ENTREP2: variants seen among roughly 807,000 people sequenced by gnomAD.
ENTREP2 encodes protein ENTREP2.
chr15:29,154,400 A>G, the ENTREP2 span, among the ~76,000 whole-genome samples: 1 of 152,134 alleles, frequency 6.6e-6, no homozygotes, highest in Non-Finnish European at 1.5e-5. Flanking sequence ...GAGTTTTAAC[A>G]GTCGAAGTGC....
chr15:29,656,272 C>T, the ENTREP2 span, among the ~76,000 whole-genome samples: 3 of 151,632 alleles, frequency 2.0e-5, no homozygotes, highest in East Asian at 5.8e-4. Flanking sequence ...GTCACCCAAG[C>T]TGGAGTGCAG....
At chr15:29,406,040 T>G in the ENTREP2 span, among the ~76,000 whole-genome samples, 1 of 152,246 alleles carries the variant, frequency 6.6e-6, no homozygotes, top group Non-Finnish European at 1.5e-5. Flanking sequence ...TGGGTTCTAT[T>G]TAAATCGGTT....
the ENTREP2 span, among the ~76,000 whole-genome samples, chr15:29,527,994 C>T: frequency 1.3e-5 from 2 of 152,090 alleles, no homozygotes; most frequent in African/African-American, 4.8e-5. Context: ...TGCACACATC[C>T]GCCCTGCAGA....
chr15:29,653,557 G>A, the ENTREP2 span, among the ~76,000 whole-genome samples: 1 of 152,166 alleles, frequency 6.6e-6, no homozygotes, highest in African/African-American at 2.4e-5. Flanking sequence ...GAGATCCGAT[G>A]GTTTGATAAG....
At chr15:29,633,884 G>A in the ENTREP2 span, among the ~76,000 whole-genome samples, 79 of 152,244 alleles carry the variant, frequency 5.2e-4, 1 homozygote, top group African/African-American at 1.8e-3. Flanking sequence ...GCTTGAACCC[G>A]GGAGGCGAAG....
the ENTREP2 span, among the ~76,000 whole-genome samples, chr15:29,438,560 C>G: frequency 2.6e-5 from 4 of 152,108 alleles, no homozygotes; most frequent in South Asian, 8.3e-4. Context: ...TGAGGCCAGC[C>G]CATGAAGACA....
At chr15:29,199,976 T>C in the ENTREP2 span, among the ~76,000 whole-genome samples, 4 of 152,216 alleles carry the variant, frequency 2.6e-5, no homozygotes, top group Non-Finnish European at 4.4e-5. Flanking sequence ...GAAAAATCTA[T>C]CTTTTCTTTG....
At chr15:29,233,661 A>G in the ENTREP2 span, 1 of 958,030 alleles carries the variant, frequency 1.0e-6, no homozygotes, top group Non-Finnish European at 1.7e-6. Flanking sequence ...TAATAAAGCT[A>G]TGGATGGATG....
the ENTREP2 span, among the ~76,000 whole-genome samples, chr15:29,537,090 C>T: frequency 5.6e-3 from 846 of 152,244 alleles, 8 homozygotes; most frequent in African/African-American, 0.02. Flanking sequence ...TTTATGTATA[C>T]GTAACATAAT....
chr15:29,440,910 C>T, the ENTREP2 span, among the ~76,000 whole-genome samples: 5 of 152,184 alleles, frequency 3.3e-5, no homozygotes, highest in Non-Finnish European at 5.9e-5. Flanking sequence ...AAGAACGTTC[C>T]TCAGTTCCTC....
the ENTREP2 span, among the ~76,000 whole-genome samples, chr15:29,487,781 C>A: frequency 4.6e-5 from 7 of 152,210 alleles, no homozygotes; most frequent in African/African-American, 7.2e-5. Flanking sequence ...CAACCTCCAC[C>A]TCCTGGATTC....
At chr15:29,425,704 T>C in the ENTREP2 span, among the ~76,000 whole-genome samples, 1 of 152,160 alleles carries the variant, frequency 6.6e-6, no homozygotes, top group Non-Finnish European at 1.5e-5. Flanking sequence ...GTTGTTTGCT[T>C]TTTCTAATGA....
At chr15:29,598,658 T>C in the ENTREP2 span, among the ~76,000 whole-genome samples, 2 of 152,228 alleles carry the variant, frequency 1.3e-5, no homozygotes, top group South Asian at 4.1e-4. Flanking sequence ...CTTCCATTCA[T>C]CCATTGTTGA....
chr15:29,661,983 G>A, the ENTREP2 span, among the ~76,000 whole-genome samples: 3 of 152,110 alleles, frequency 2.0e-5, no homozygotes, highest in Non-Finnish European at 4.4e-5. Context: ...GGCCGAGGCA[G>A]GCAGATCACT....
At chr15:29,413,474 CCT>C in the ENTREP2 span, among the ~76,000 whole-genome samples, 1 of 152,030 alleles carries the variant, frequency 6.6e-6, no homozygotes, top group Non-Finnish European at 1.5e-5. Flanking sequence ...ATGTAATGAG[CCT>C]CTCTCTAACA....
chr15:29,570,688 G>A, the ENTREP2 span: 53 of 1,167,752 alleles, frequency 4.5e-5, no homozygotes, highest in Non-Finnish European at 5.5e-5. Context: ...GCAGCGCGGC[G>A]GGACGCGGCG....
chr15:29,275,021 A>G, the ENTREP2 span, among the ~76,000 whole-genome samples: 2 of 152,198 alleles, frequency 1.3e-5, no homozygotes, highest in African/African-American at 4.8e-5. Flanking sequence ...TTGGTACAGT[A>G]AAGCTATTTT....
chr15:29,667,432 CCCATCTTG>C, the ENTREP2 span, among the ~76,000 whole-genome samples: 1 of 151,260 alleles, frequency 6.6e-6, no homozygotes, highest in African/African-American at 2.4e-5. Context: ...TCATGATCTG[CCCATCTTG>C]GCCTCCCAAA....
At chr15:29,245,891 T>C in the ENTREP2 span, among the ~76,000 whole-genome samples, 1 of 152,024 alleles carries the variant, frequency 6.6e-6, no homozygotes. Flanking sequence ...TGTGAAGGGG[T>C]GCCTTGTGTT....
Sources: allele counts gnomAD v4.1 joint callset (sites outside exome capture counted in the v4.1 genomes callset), GRCh38; gene constraint gnomAD v4.1.1; transcripts MANE v1.5; gene names NCBI Gene and HGNC (gene_info 2026-07-23, HGNC 2026-07-21).